Variants in PLPP4 observed in about 807,000 individuals in gnomAD.
PLPP4 encodes the protein phospholipid phosphatase 4.
PLPP4 carries 20 observed loss-of-function variants against 32.2 expected under a neutral mutation model. The ratio of observed to expected loss-of-function variants is 0.62; its 90% CI spans 0.44 to 0.90. The LOEUF (loss-of-function observed/expected upper bound fraction) is 0.90, where lower values mean the gene tolerates loss of function less well. Ranked by LOEUF, PLPP4 falls within the 40% of genes least tolerant of loss-of-function variation. The pLI is 0.00. For missense variants in PLPP4, 257 were observed against 353.1 expected (o/e 0.73, Z 2.18); for synonymous variants, 127 against 133.0 (o/e 0.95, Z 0.31).
chr10:120,577,959 A>G (rs1235066728), intron 6 of PLPP4, among the ~76,000 whole-genome samples: 1 of 152,152 alleles, frequency 6.6e-6, no homozygotes, highest in Non-Finnish European at 1.5e-5. Context: ...TGGTTGTCAC[A>G]ACTTTGAGGG....
intron 1 of PLPP4, among the ~76,000 whole-genome samples, chr10:120,495,328 C>G (rs995172978): frequency 3.9e-5 from 6 of 152,162 alleles, no homozygotes; most frequent in African/African-American, 1.4e-4. Context: ...AAAGACCTGT[C>G]TGAGGGCAGT....
chr10:120,458,035 A>T (rs1205476040), intron 1 of PLPP4, among the ~76,000 whole-genome samples: 1 of 152,190 alleles, frequency 6.6e-6, no homozygotes. Flanking sequence ...AGCGGCTGGC[A>T]CTGAGAACAG....
At chr10:120,586,828 C>G (rs1849783501) in intron 6 of PLPP4, among the ~76,000 whole-genome samples, 1 of 151,946 alleles carries the variant, frequency 6.6e-6, no homozygotes, top group Non-Finnish European at 1.5e-5. Context: ...TGGGGAGGGA[C>G]TATTAACATG....
chr10:120,493,811 C>A (rs188417489), intron 1 of PLPP4, among the ~76,000 whole-genome samples: 18 of 152,236 alleles, frequency 1.2e-4, no homozygotes, highest in African/African-American at 4.3e-4. Context: ...ATGAGATCAA[C>A]GGCAGCTTAC....
chr10:120,479,070 C>CA (rs1434562000), intron 1 of PLPP4, among the ~76,000 whole-genome samples: 4 of 152,014 alleles, frequency 2.6e-5, no homozygotes, highest in Admixed American at 6.6e-5. Flanking sequence ...ACTAAAAATA[C>CA]AAAAAATTAG....
chr10:120,502,856 A>C (rs1845324276), intron 1 of PLPP4, among the ~76,000 whole-genome samples: 1 of 152,146 alleles, frequency 6.6e-6, no homozygotes, highest in African/African-American at 2.4e-5. Context: ...AGGGTTTCCT[A>C]GGAGAAGCTC....
intron 5 of PLPP4, among the ~76,000 whole-genome samples, chr10:120,561,938 C>T (rs1009765637): frequency 1.3e-5 from 2 of 152,172 alleles, no homozygotes; most frequent in East Asian, 1.9e-4. Context: ...TGCTTTTCTT[C>T]GGAAGTGTCT....
intron 1 of PLPP4, among the ~76,000 whole-genome samples, chr10:120,471,588 G>A (rs1848518630): frequency 6.6e-6 from 1 of 151,870 alleles, no homozygotes; most frequent in Non-Finnish European, 1.5e-5. Context: ...GTCTGCACAG[G>A]TTATCTTTTT....
intron 5 of PLPP4, among the ~76,000 whole-genome samples, chr10:120,548,894 A>G (rs1349108473): frequency 1.3e-5 from 2 of 152,010 alleles, no homozygotes; most frequent in Non-Finnish European, 2.9e-5. Flanking sequence ...GTGTCTGTTC[A>G]TGTCCTTTGC....
intron 1 of PLPP4, chr10:120,503,485 G>T (rs1381547346): frequency 6.6e-7 from 1 of 1,518,738 alleles, no homozygotes; most frequent in Non-Finnish European, 9.0e-7. Flanking sequence ...AGACCATGCT[G>T]CTGCCCTGGC....
chr10:120,563,597 G>A (rs1255471793), intron 5 of PLPP4, among the ~76,000 whole-genome samples: 2 of 148,408 alleles, frequency 1.3e-5, no homozygotes, highest in African/African-American at 5.2e-5. Flanking sequence ...TCAGGAGATC[G>A]AGACCATCCT....
rs1375133807 is a variant in PLPP4, at chr10:120,457,232, G to T, written c.-74G>T. The T allele has an allele frequency of 2.3e-6, 3 of 1,277,482 alleles. No individual in the cohort carries two copies. Among genetic ancestry groups the T allele is most frequent in the Non-Finnish European group, 2.1e-6 (2 of 975,048 alleles). 79.1% of individuals were successfully genotyped at this position (1,277,482 alleles called of 1,614,324 possible). Reference sequence around the variant, plus strand: ...CCTCCCTCGCCTCCCAGGGTCTGGCGAGCCGGCGCCGGCCGAGCTGCGGGA... The same window carrying T: ...CCTCCCTCGCCTCCCAGGGTCTGGCTAGCCGGCGCCGGCCGAGCTGCGGGA... On this transcript the variant is annotated 5_prime_UTR_variant, in exon 1 of 7. Coordinates refer to ENST00000398250, the MANE Select transcript of PLPP4 (RefSeq NM_001030059.3).
chr10:120,552,155 G>A (rs1364686693), intron 5 of PLPP4, among the ~76,000 whole-genome samples: 1 of 131,988 alleles, frequency 7.6e-6, no homozygotes, highest in Non-Finnish European at 1.7e-5. Flanking sequence ...TGTGTTGTTA[G>A]TGGTGGTGGG....
At chr10:120,523,170 C>T (rs193031885) in intron 5 of PLPP4, among the ~76,000 whole-genome samples, 28 of 152,244 alleles carry the variant, frequency 1.8e-4, no homozygotes, top group Non-Finnish European at 1.0e-4. Flanking sequence ...GACTTGGTGG[C>T]GCATGCCTGT....
At chr10:120,541,919 G>A (rs1246405349) in intron 5 of PLPP4, among the ~76,000 whole-genome samples, 2 of 152,080 alleles carry the variant, frequency 1.3e-5, no homozygotes, top group Admixed American at 1.3e-4. Flanking sequence ...AGAGATTACA[G>A]GCGACCGCCA....
rs1845730663 is a variant in PLPP4, at chr10:120,511,615, G to A, written c.166-2296G>A. Among the ~76,000 whole-genome samples, 3 of 152,256 alleles carry A rather than the reference G, an allele frequency of 2.0e-5. No homozygotes were observed. The South Asian group carries it at 6.2e-4, about 32-fold the overall frequency. On this transcript the variant is annotated intron_variant, in intron 2 of 6. Transcript: ENST00000398250. The stretch of plus-strand genomic sequence containing the variant: ...TGCTTAAAGGGACAGAAAACAGGAA[G>A]GTAAGCTGGTAGCCTTCATGTTTGG...
At chr10:120,569,662 CAG>C (rs759324102) in intron 5 of PLPP4, among the ~76,000 whole-genome samples, 3 of 152,200 alleles carry the variant, frequency 2.0e-5, no homozygotes, top group Non-Finnish European at 4.4e-5. Context: ...TGCCTAGAAA[CAG>C]GGGATAAAGG....
At chr10:120,492,146 T>G (rs887678916) in intron 1 of PLPP4, among the ~76,000 whole-genome samples, 1 of 152,210 alleles carries the variant, frequency 6.6e-6, no homozygotes, top group African/African-American at 2.4e-5. Flanking sequence ...ACTTAACTGC[T>G]TGACCCAGGT....
At chr10:120,584,873 T>G (rs948711747) in intron 6 of PLPP4, among the ~76,000 whole-genome samples, 1 of 152,238 alleles carries the variant, frequency 6.6e-6, no homozygotes, top group African/African-American at 2.4e-5. Context: ...ATATCACTTT[T>G]CACTCATTCC....
Sources: gnomAD v4.1 joint callset for allele counts (sites outside exome capture counted in the v4.1 genomes callset) on GRCh38, gnomAD v4.1.1 for gene constraint, MANE v1.5 for transcripts, NCBI Gene and HGNC (gene_info 2026-07-23, HGNC 2026-07-21) for gene names.